Variants in PRKACA observed in about 807,000 individuals in gnomAD.
The protein encoded by PRKACA is cAMP-dependent protein kinase catalytic subunit alpha.
In PRKACA, 9 loss-of-function variants were observed where a neutral mutation model predicts 45.8. The observed-to-expected ratio is 0.20, with a 90% confidence interval of 0.12 to 0.34. PRKACA has a LOEUF of 0.34. Ranked by LOEUF, PRKACA falls within the 10% of genes least tolerant of loss-of-function variation. The pLI is 1.00. For missense variants in PRKACA, 238 were observed against 458.6 expected (o/e 0.52, Z 4.39); for synonymous variants, 160 against 178.6 (o/e 0.90, Z 0.83).
At chr19:14,093,989 C>A (rs1977172365) in intron 8 of PRKACA, among the ~76,000 whole-genome samples, 197 bp from the exon 9 acceptor site, 1 of 152,066 alleles carries the variant, frequency 6.6e-6, no homozygotes, top group African/African-American at 2.4e-5. Flanking sequence ...GCCTGAGAAT[C>A]TGCATTTCTT....
At position 14,097,218 on chromosome 19, in the gene PRKACA, G is replaced by A. The variant is rs758546237; in HGVS notation, c.765+143C>T. 76 of 1,317,604 alleles carry A rather than the reference G, an allele frequency of 5.8e-5. No individual in the cohort carries two copies. The highest frequency in any genetic ancestry group is 8.8e-5 in the African/African-American group (6 of 68,480). 81.6% of individuals were successfully genotyped at this position (1,317,604 alleles called of 1,614,324 possible). On this transcript the variant is annotated intron_variant, in intron 8 of 9. Transcript: ENST00000308677. This position sits in a 1 kb window ranked among gnomAD's most constrained non-coding sequence, Gnocchi z 5.4. ...TTGAGGTGTTGGCCTCAGTGTGGCC[G>A]GCGCGTCCAGCTTCACCACCTGGCC...
chr19:14,100,247 A>T (rs1372155750), intron 5 of PRKACA, among the ~76,000 whole-genome samples: 1 of 151,708 alleles, frequency 6.6e-6, no homozygotes, highest in East Asian at 1.9e-4. Context: ...GACTAGTGGG[A>T]CTACAGATGC....
chr19:14,099,985 C>T (rs1318262252), intron 5 of PRKACA, among the ~76,000 whole-genome samples: 1 of 151,778 alleles, frequency 6.6e-6, no homozygotes, highest in Admixed American at 6.6e-5. Context: ...GGACTATAGG[C>T]GCCCGCCATC....
Position 14,091,745 on chromosome 19 carries a change from A to G in PRKACA, c.*1367T>C, listed in dbSNP as rs1283826064. On this transcript the variant is annotated 3_prime_UTR_variant, in exon 10 of 10. Transcript: ENST00000308677. ...TTTTCAAATATGTTTACAACAGCAC[A>G]CTGTTCAAGAGGAAGTCTCGTCCTT... The G allele has an allele frequency of 1.3e-5, 2 of 152,378 alleles. No homozygotes were observed. Among genetic ancestry groups the G allele is most frequent in the Admixed American group, 6.5e-5 (1 of 15,270 alleles). 9.4% of individuals were successfully genotyped at this position (152,378 alleles called of 1,614,324 possible).
intron 1 of PRKACA, among the ~76,000 whole-genome samples, chr19:14,108,632 G>A (rs981977401): frequency 3.3e-5 from 5 of 151,588 alleles, no homozygotes; most frequent in Admixed American, 6.6e-5. Flanking sequence ...GGATGGTCTC[G>A]ATCTCCTGAC....
At chr19:14,100,014 TG>T (rs1291355667) in intron 5 of PRKACA, among the ~76,000 whole-genome samples, 1 of 151,954 alleles carries the variant, frequency 6.6e-6, no homozygotes, top group African/African-American at 2.4e-5. Flanking sequence ...CTAATTTTTT[TG>T]TATTTTTTTA....
Position 14,097,327 on chromosome 19 carries a change from C to G in PRKACA, c.765+34G>C. 6.2e-7 allele frequency: 1 copy of G among 1,613,768 alleles called. No homozygotes were observed. The highest frequency in any genetic ancestry group is 1.1e-5 in the South Asian group (1 of 91,064). Reference sequence around the variant, plus strand: ...TGGGTGAGCAGGGAACGGTCTGTTTCTTCCAGGGCTGTGTCCCCACATCCG... The same window carrying G: ...TGGGTGAGCAGGGAACGGTCTGTTTGTTCCAGGGCTGTGTCCCCACATCCG... On this transcript the variant is annotated intron_variant, in intron 8 of 9. Coordinates refer to ENST00000308677, the MANE Select transcript of PRKACA (RefSeq NM_002730.4). This position sits in a 1 kb window ranked among gnomAD's most constrained non-coding sequence, Gnocchi z 5.4.
chr19:14,092,057 G>A lies in PRKACA; in HGVS notation c.*1055C>T, dbSNP rs746164515. 6.6e-6 allele frequency: 1 copy of A among 152,394 alleles called. No individual in the cohort carries two copies. Among genetic ancestry groups the A allele is most frequent in the Admixed American group, 6.5e-5 (1 of 15,288 alleles). The allele number at this position is 152,394 out of a possible 1,614,324, so 9.4% of individuals were successfully genotyped here. On this transcript the variant is annotated 3_prime_UTR_variant, in exon 10 of 10. Transcript: ENST00000308677. Reference sequence around the variant, plus strand: ...AGGCAGCCCCTCCCCAGCAGCTCTAGCCTTGAACCCCGGGCCGTGGCTTGG... The same window carrying A: ...AGGCAGCCCCTCCCCAGCAGCTCTAACCTTGAACCCCGGGCCGTGGCTTGG...
At chr19:14,115,804 G>A (rs1159762422) in intron 1 of PRKACA, among the ~76,000 whole-genome samples, 3 of 152,010 alleles carry the variant, frequency 2.0e-5, no homozygotes, top group Non-Finnish European at 2.9e-5. Flanking sequence ...CTGAGCTACC[G>A]CAATATATAG....
chr19:14,108,132 G>C (rs1351853025), intron 1 of PRKACA: 2 of 985,442 alleles, frequency 2.0e-6, no homozygotes, highest in Non-Finnish European at 2.4e-6. Context: ...AGTCATTCTC[G>C]TCTCTGCTGA....
At position 14,098,032 on chromosome 19, in the gene PRKACA, C is replaced by A. The variant is rs1452056236; in HGVS notation, c.420-142G>T. 3.0e-5 allele frequency: 31 copies of A among 1,043,294 alleles called. 1 individual carries two copies. The highest frequency in any genetic ancestry group is 4.3e-5 in the Non-Finnish European group (31 of 721,850). 64.6% of individuals were successfully genotyped at this position (1,043,294 alleles called of 1,614,324 possible). ...CAAGGCACCTGATTCTTAGATAGCC[C>A]GACATGGGAAACAGCCTGTGGGTCC... is the stretch of plus-strand genomic sequence containing the variant. On this transcript the variant is annotated intron_variant, in intron 5 of 9. Coordinates refer to ENST00000308677, the MANE Select transcript of PRKACA (RefSeq NM_002730.4).
At chr19:14,107,455 C>T (rs370431110) in intron 1 of PRKACA, 46 bp from the exon 2 acceptor site, 23 of 1,592,102 alleles carry the variant, frequency 1.4e-5, no homozygotes, top group South Asian at 3.3e-5. Context: ...CCCGTCTCAC[C>T]GGGGTGGGTT....
chr19:14,093,438 G>A (rs1977152605), intron 9 of PRKACA, among the ~76,000 whole-genome samples, 190 bp downstream of exon 9: 1 of 152,154 alleles, frequency 6.6e-6, no homozygotes. Context: ...CCAGAGAGAG[G>A]CATCTGTTGC....
rs781672501 is a variant in PRKACA, at chr19:14,097,324, T to G, written c.765+37A>C. On this transcript the variant is annotated intron_variant, in intron 8 of 9. Transcript: ENST00000308677. This position sits in a 1 kb window ranked among gnomAD's most constrained non-coding sequence, Gnocchi z 5.4. ...GGATGGGTGAGCAGGGAACGGTCTG[T>G]TTCTTCCAGGGCTGTGTCCCCACAT... 2.5e-6 allele frequency: 4 copies of G among 1,613,676 alleles called. No individual in the cohort carries two copies. Among genetic ancestry groups the G allele is most frequent in the Middle Eastern group, 3.3e-4 (2 of 6,062 alleles).
rs1977483522 is a variant in PRKACA, at chr19:14,102,808, G to A, written c.336+8C>T. 5.6e-6 allele frequency: 9 copies of A among 1,612,674 alleles called. No individual in the cohort carries two copies. Among genetic ancestry groups the A allele is most frequent in the Non-Finnish European group, 7.6e-6 (9 of 1,178,652 alleles). On this transcript the variant is annotated splice_region_variant and intron_variant, in intron 4 of 9. Transcript: ENST00000308677. ...GTGACCCCCCGCCCTTGGCCACTGGGACCCCACCTTGAAGGAGAACTCGAG... is the reference window on the plus strand; with the variant it reads ...GTGACCCCCCGCCCTTGGCCACTGGAACCCCACCTTGAAGGAGAACTCGAG...
chr19:14,107,110 T>C (rs1977635467), intron 2 of PRKACA, among the ~76,000 whole-genome samples: 1 of 111,426 alleles, frequency 9.0e-6, no homozygotes, highest in African/African-American at 3.5e-5. Flanking sequence ...TGGAAGCTGC[T>C]GGCAGCTGTG....
Position 14,092,370 on chromosome 19 carries a change from A to T in PRKACA, c.*742T>A. On this transcript the variant is annotated 3_prime_UTR_variant, in exon 10 of 10. Transcript: ENST00000308677. ...TTCCTAAAGGGGCCTAGACCCTCGC[A>T]GGATTGGCAGAGAGGATTCCCCGGG... 5.8e-6 allele frequency: 2 copies of T among 346,804 alleles called. No individual in the cohort carries two copies. The highest frequency in any genetic ancestry group is 1.0e-5 in the Non-Finnish European group (2 of 192,770). 21.5% of individuals were successfully genotyped at this position (346,804 alleles called of 1,614,324 possible).
intron 5 of PRKACA, among the ~76,000 whole-genome samples, chr19:14,100,444 C>A (rs1461129020): frequency 1.3e-5 from 2 of 152,064 alleles, no homozygotes; most frequent in East Asian, 3.9e-4. Flanking sequence ...ATTACAGGTG[C>A]CCACCACCAT....
At chr19:14,114,028 A>G (rs1202875823) in intron 1 of PRKACA, 1 of 1,327,056 alleles carries the variant, frequency 7.5e-7, no homozygotes, top group East Asian at 2.5e-5. Flanking sequence ...AGGGGTTCAC[A>G]TCCTTCTTCT....
Sources: gnomAD v4.1 joint callset for allele counts (sites outside exome capture counted in the v4.1 genomes callset) on GRCh38, gnomAD v4.1.1 for gene constraint, Gnocchi (gnomAD v3.1) non-coding constraint, MANE v1.5 for transcripts, NCBI Gene and HGNC (gene_info 2026-07-23, HGNC 2026-07-21) for gene names.